Variants in R3HDM2 observed in about 807,000 individuals in gnomAD.
R3HDM2 encodes R3H domain containing 2.
R3HDM2 carries 38 observed loss-of-function variants against 124.5 expected under a neutral mutation model. That is an observed-to-expected ratio of 0.31 (90% CI 0.24 to 0.40). The LOEUF (loss-of-function observed/expected upper bound fraction) is 0.40, where lower values mean the gene tolerates loss of function less well. Ranked by LOEUF, R3HDM2 falls within the 10% of genes least tolerant of loss-of-function variation. The pLI is 1.00. For missense variants in R3HDM2, 869 were observed against 1,236.9 expected, an observed-to-expected ratio of 0.70 and a Z score of 4.46; for synonymous variants, 391 against 448.0, an observed-to-expected ratio of 0.87 and a Z score of 1.61.
At chr12:57,407,436 C>T (rs1010189491) in intron 1 of R3HDM2, among the ~76,000 whole-genome samples, 4 of 151,468 alleles carry the variant, frequency 2.6e-5, no homozygotes, top group Non-Finnish European at 5.9e-5. Flanking sequence ...GACAGAGTCT[C>T]ACTCTGTTGC....
At chr12:57,271,001 C>T (rs1310127778) in intron 14 of R3HDM2, among the ~76,000 whole-genome samples, 1 of 152,142 alleles carries the variant, frequency 6.6e-6, no homozygotes, top group Admixed American at 6.5e-5. Context: ...TTTCCTTATG[C>T]CCCCAACCAT....
At chr12:57,358,276 C>T (rs1054352345) in intron 2 of R3HDM2, among the ~76,000 whole-genome samples, 23 of 151,998 alleles carry the variant, frequency 1.5e-4, no homozygotes, top group African/African-American at 4.8e-4. Flanking sequence ...CGTGAGCCAC[C>T]GCGCCCAGCC....
intron 1 of R3HDM2, among the ~76,000 whole-genome samples, chr12:57,409,512 C>CAA (rs71448520): frequency 8.7e-4 from 85 of 98,164 alleles, no homozygotes; most frequent in South Asian, 2.2e-3. Context: ...AGAGGTGGGG[C>CAA]AAAAAAAAAA....
chr12:57,356,734 A>G (rs1271973028), intron 2 of R3HDM2, among the ~76,000 whole-genome samples: 1 of 152,258 alleles, frequency 6.6e-6, no homozygotes, highest in African/African-American at 2.4e-5. Context: ...TCTCTAGTAG[A>G]CATAAACCTA....
At chr12:57,382,911 C>T (rs915625485) in intron 2 of R3HDM2, among the ~76,000 whole-genome samples, 7 of 151,954 alleles carry the variant, frequency 4.6e-5, no homozygotes, top group African/African-American at 1.7e-4. Context: ...GCTCTTGTTG[C>T]CCAGTCTGGA....
Position 57,297,400 on chromosome 12 carries a change from G to T in R3HDM2, c.501-13C>A. ...CATCATTCTGTCCCTGTTTAAAAAA[G>T]ATTAAAACAAAACAAAACAAAACAA... On this transcript the variant is annotated splice_polypyrimidine_tract_variant and intron_variant, in intron 7 of 23. Coordinates refer to ENST00000402412, the MANE Select transcript of R3HDM2 (RefSeq NM_001394031.1). 6.7e-7 allele frequency: 1 copy of T among 1,494,080 alleles called. No individual in the cohort carries two copies. The highest frequency in any genetic ancestry group is 9.1e-7 in the Non-Finnish European group (1 of 1,102,314). 92.6% of individuals were successfully genotyped at this position (1,494,080 alleles called of 1,614,324 possible).
intron 2 of R3HDM2, among the ~76,000 whole-genome samples, chr12:57,385,157 C>G (rs942671360): frequency 2.1e-4 from 32 of 150,110 alleles, no homozygotes; most frequent in African/African-American, 7.4e-4. Flanking sequence ...CCATCTCAAA[C>G]AAACAAACAA....
chr12:57,308,421 C>CGGTAGCTCA (rs908278159), intron 3 of R3HDM2, among the ~76,000 whole-genome samples: 33 of 150,446 alleles, frequency 2.2e-4, no homozygotes, highest in African/African-American at 7.8e-4. Flanking sequence ...GGGCCAGGTG[C>CGGTAGCTCA]TGCCTGCAAT....
intron 1 of R3HDM2, among the ~76,000 whole-genome samples, chr12:57,403,573 CAG>C (rs2068244548): frequency 6.6e-6 from 1 of 152,032 alleles, no homozygotes. Flanking sequence ...CTTTGGGAGA[CAG>C]GGGCGGGTGT....
intron 2 of R3HDM2, among the ~76,000 whole-genome samples, chr12:57,332,639 G>T (rs2058357471): frequency 6.6e-6 from 1 of 152,084 alleles, no homozygotes; most frequent in African/African-American, 2.4e-5. Context: ...AAAAAACTGT[G>T]TGAACTGAGA....
At chr12:57,295,282 T>C (rs2049512724) in intron 10 of R3HDM2, 117 bp downstream of exon 10, 2 of 715,078 alleles carry the variant, frequency 2.8e-6, no homozygotes, top group African/African-American at 1.8e-5. Flanking sequence ...TATAGCTCAA[T>C]ACATTTCTCC....
At chr12:57,284,115 G>T in intron 12 of R3HDM2, 59 bp from the exon 13 acceptor site, 1 of 1,393,006 alleles carries the variant, frequency 7.2e-7, no homozygotes, top group Non-Finnish European at 9.9e-7. Flanking sequence ...GAAGGGCTAG[G>T]AGATAATTCA....
chr12:57,257,989 C>A lies in R3HDM2; in HGVS notation c.2449+1G>T. Reference sequence around the variant, plus strand: ...CAGCCAGCACTAATCTAACCCCCTACCCTGTGCTGGACCCCCAGGCCGGGG... The same window carrying A: ...CAGCCAGCACTAATCTAACCCCCTAACCTGTGCTGGACCCCCAGGCCGGGG... On this transcript the variant is annotated splice_donor_variant, in intron 21 of 23. Transcript: ENST00000402412. LOFTEE classifies it high-confidence loss of function. 6.5e-7 allele frequency: 1 copy of A among 1,549,058 alleles called. No homozygotes were observed.
intron 2 of R3HDM2, among the ~76,000 whole-genome samples, chr12:57,363,692 T>C (rs899144708): frequency 2.0e-5 from 3 of 152,142 alleles, no homozygotes; most frequent in Non-Finnish European, 2.9e-5. Context: ...CATAAATATA[T>C]ACAATTATTA....
At chr12:57,408,668 CTT>C (rs2068742941) in intron 1 of R3HDM2, among the ~76,000 whole-genome samples, 1 of 152,100 alleles carries the variant, frequency 6.6e-6, no homozygotes. Context: ...TTATACCACT[CTT>C]GTTGCTTCTG....
chr12:57,267,628 A>C (rs530076434), intron 18 of R3HDM2, among the ~76,000 whole-genome samples: 18 of 152,288 alleles, frequency 1.2e-4, no homozygotes, highest in Middle Eastern at 6.8e-3. Flanking sequence ...ACAAAACTCA[A>C]AACAACCTGG....
chr12:57,272,661 AG>A (rs1345918174), intron 14 of R3HDM2: 1 of 506,132 alleles, frequency 2.0e-6, no homozygotes, highest in Non-Finnish European at 3.4e-6. Context: ...GGGAAAGGGA[AG>A]GAACAATAAG....
Position 57,353,041 on chromosome 12 carries a change from A to C in R3HDM2, c.-35-42578T>G, listed in dbSNP as rs989251753. On this transcript the variant is annotated intron_variant, in intron 2 of 23. Coordinates refer to ENST00000402412, the MANE Select transcript of R3HDM2 (RefSeq NM_001394031.1). ...AAAAGTAAATCCTTAAAATGTTCAA[A>C]AACAGATATACAAGATTCTTAATGA... 1.8e-4 allele frequency among the ~76,000 whole-genome samples: 28 copies of C among 152,360 alleles called. 1 individual carries two copies. Among genetic ancestry groups the C allele is most frequent in the Admixed American group, 1.1e-3 (17 of 15,300 alleles).
At chr12:57,423,808 T>TA (rs57587261) in intron 1 of R3HDM2, among the ~76,000 whole-genome samples, 564 of 51,418 alleles carry the variant, frequency 0.011, 6 homozygotes, top group Middle Eastern at 0.06. Flanking sequence ...CTGTCTCAAT[T>TA]AAAAAAAAAA....
Sources: allele counts gnomAD v4.1 joint callset (sites outside exome capture counted in the v4.1 genomes callset), GRCh38; gene constraint gnomAD v4.1.1; transcripts MANE v1.5; gene names NCBI Gene and HGNC (gene_info 2026-07-23, HGNC 2026-07-21).